The following PRX variants were observed in gnomAD, a reference collection of about 807,000 sequenced individuals.
PRX encodes periaxin.
Under a neutral mutation model 29.6 loss-of-function variants are expected in PRX, and 24 were observed. That is an observed-to-expected ratio of 0.81 (90% confidence interval 0.59 to 1.14). The LOEUF (loss-of-function observed/expected upper bound fraction) is 1.14, where lower values mean the gene tolerates loss of function less well. PRX is among the 50% of genes most tolerant of loss of function. The pLI, the probability that PRX is intolerant of heterozygous loss-of-function variation, is 0.00. For synonymous variants in PRX, 772 were observed against 831.7 expected (o/e 0.93, Z 1.24); for missense variants, 1,838 against 1,926.4 (o/e 0.95, Z 0.86).
chr19:40,399,025 T>C (rs1483987315), intron 5 of PRX, among the ~76,000 whole-genome samples: 1 of 139,098 alleles, frequency 7.2e-6, no homozygotes, highest in Non-Finnish European at 1.5e-5. Context: ...CCGCGCCCAC[T>C]CAGGCCACGC....
At position 40,395,086 on chromosome 19, in the gene PRX, G is replaced by A. The variant is rs1197637657; in HGVS notation, c.3266C>T (p.Ser1089Phe). ...GGGGATCTTAAGCTGCACAGCGGTG[G>A]ACTCAGCCTTTTCCCCCGGGCTGGC... ...DRASPGEKAE[S>F]TAVQLKIPEV... Residue 1089 changes from serine to phenylalanine, a missense_variant, in exon 7 of 7, where the codon TCC (serine) becomes TTC (phenylalanine). Physicochemically the swap from Ser to Phe is radical, Grantham distance 155. Coordinates refer to ENST00000324001, the MANE Select transcript of PRX (RefSeq NM_181882.3). 10 of 1,613,546 alleles carry A rather than the reference G, an allele frequency of 6.2e-6. No homozygotes were observed. The highest frequency in any genetic ancestry group is 1.1e-5 in the South Asian group (1 of 91,080).
chr19:40,399,883 CTT>C (rs1195757375), intron 5 of PRX, among the ~76,000 whole-genome samples: 15 of 71,840 alleles, frequency 2.1e-4, no homozygotes, highest in African/African-American at 1.2e-3. Context: ...TTCTTTCTTT[CTT>C]TCTTTCTTTC....
In PRX at chr19:40,394,601, C is replaced by G. The variant is rs2079412271; in HGVS notation, c.3751G>C (p.Gly1251Arg). ...TCGCCCCCCACCCTAGCTCTGGCCC[C>G]CAGTGTGGGCAACTTCAGCCTCAGC... ...GGLRLKLPTL[G>R]ARARVGGEGA... Residue 1251 changes from glycine to arginine, a missense_variant, in exon 7 of 7, where the codon GGG (glycine) becomes CGG (arginine). Gly to Arg is a moderately radical substitution (Grantham distance 125). Coordinates refer to ENST00000324001, the MANE Select transcript of PRX (RefSeq NM_181882.3). The surrounding 1 kb of genome is among the most constrained non-coding windows in gnomAD (Gnocchi z 5.8). 3.1e-6 allele frequency: 5 copies of G among 1,608,240 alleles called. No individual in the cohort carries two copies. The highest frequency in any genetic ancestry group is 3.3e-5 in the Admixed American group (2 of 59,942).
rs763185527 is a variant in PRX, at chr19:40,397,409, G to A, written c.943C>T (p.Arg315Trp). 32 of 1,609,340 alleles carry A rather than the reference G, an allele frequency of 2.0e-5. No homozygotes were observed. The highest frequency in any genetic ancestry group is 9.9e-5 in the South Asian group (9 of 90,572). Residue 315 changes from arginine (R) to tryptophan (W), a missense_variant, in exon 7 of 7, where the codon CGG becomes TGG. Physicochemically the swap from Arg to Trp is moderately radical, Grantham distance 101 (BLOSUM62 -3). Coordinates refer to ENST00000324001, the MANE Select transcript of PRX (RefSeq NM_181882.3). ...ACCACTACCGACACAGCCCCTTCCC[G>A]GGTCTCTAGGCAGGGAAGTGTGGGC... is the stretch of plus-strand genomic sequence containing the variant. ...TLPTLPCLET[R>W]EGAVSVVVPT...
At position 40,394,218 on chromosome 19, in the gene PRX, C is replaced by T. The variant is rs2079406117; in HGVS notation, c.4134G>A (p.Leu1378=). The T allele has an allele frequency of 6.3e-7, 1 of 1,599,088 alleles. No homozygotes were observed. Among genetic ancestry groups the T allele is most frequent in the Non-Finnish European group, 8.5e-7 (1 of 1,169,908 alleles). Residue 1378 remains leucine (L), a synonymous_variant, in exon 7 of 7, where the codon TTG becomes TTA. Transcript: ENST00000324001. The surrounding 1 kb of genome is among the most constrained non-coding windows in gnomAD (Gnocchi z 5.8). The part of the protein sequence containing the change: ...SGRRGRVRVR[L]PRVGLAAPSK... ...AAGGGGCCGCCAGGCCTACACGTGGCAAGCGGACCCGGACCCGGCCCCGGC... is the reference window on the plus strand; with the variant it reads ...AAGGGGCCGCCAGGCCTACACGTGGTAAGCGGACCCGGACCCGGCCCCGGC...
intron 1 of PRX, among the ~76,000 whole-genome samples, chr19:40,412,241 TA>T (rs2079561927): frequency 6.6e-6 from 1 of 152,150 alleles, no homozygotes; most frequent in Non-Finnish European, 1.5e-5. Context: ...TCCAGACCTC[TA>T]AACATTATCT....
upstream of PRX, among the ~76,000 whole-genome samples, chr19:40,414,255 C>T (rs111555331): frequency 5.1e-3 from 784 of 152,262 alleles, 9 homozygotes; most frequent in African/African-American, 0.018. Context: ...CCTCAAATAG[C>T]TGGGACCACA....
At position 40,398,555 on chromosome 19, in the gene PRX, G is replaced by C; in HGVS notation, c.381+65C>G. On this transcript the variant is annotated intron_variant, in intron 6 of 6. Coordinates refer to ENST00000324001, the MANE Select transcript of PRX (RefSeq NM_181882.3). This position sits in a 1 kb window ranked among gnomAD's most constrained non-coding sequence, Gnocchi z 6.3. ...CTGGCCCACGATGGCGGGGAATGGG[G>C]CTCACGGCGCAGAGACCGGATCGCT... 1 of 1,600,498 alleles carries C rather than the reference G, an allele frequency of 6.2e-7. No individual in the cohort carries two copies. Among genetic ancestry groups the C allele is most frequent in the Non-Finnish European group, 8.5e-7 (1 of 1,173,716 alleles).
chr19:40,399,847 T>TTTCC (rs939534916), intron 5 of PRX, among the ~76,000 whole-genome samples: 2,732 of 136,024 alleles, frequency 0.02, 26 homozygotes, highest in East Asian at 0.031. Context: ...CCCAGCTTTC[T>TTTCC]TTCCTTTCTT....
In PRX at chr19:40,408,049, T is replaced by A; in HGVS notation, c.-99-18A>T. The A allele has an allele frequency of 7.0e-7, 1 of 1,425,966 alleles. No homozygotes were observed. Among genetic ancestry groups the A allele is most frequent in the South Asian group, 1.2e-5 (1 of 83,904 alleles). 88.3% of individuals were successfully genotyped at this position (1,425,966 alleles called of 1,614,324 possible). A position where few individuals can be genotyped will look rare whatever the true frequency, so the allele number is the denominator to read the frequency against. On this transcript the variant is annotated intron_variant, in intron 3 of 6. Transcript: ENST00000324001. ...CTCTGAGCCTGTGGGAGGACAGCAG[T>A]GGAGGCTTGAGGCCAGTAGGGGACG...
At chr19:40,408,844 T>TGTGTGAGA (rs965234926) in intron 1 of PRX, among the ~76,000 whole-genome samples, 2 of 150,920 alleles carry the variant, frequency 1.3e-5, no homozygotes, top group African/African-American at 2.4e-5. Flanking sequence ...TGTGTGTGTG[T>TGTGTGAGA]GTGAGAGAGA....
rs767207935 is a variant in PRX at position 40,397,754 on chromosome 19, C to G, written c.598G>C (p.Glu200Gln). ...GCCAGCCGGGCTGCCTGAGCCTCTT[C>G]GGCCACTTCTCGTACACGCAGCCGA... ...LPRLRVREVA[E>Q]EAQAARLAAA... Residue 200 changes from glutamate (E) to glutamine (Q), a missense_variant, in exon 7 of 7, where the codon GAA (glutamate) becomes CAA (glutamine). Physicochemically the swap from Glu to Gln is conservative, Grantham distance 29 (BLOSUM62 2). This residue lies in a region of PRX where 666 missense variants were observed against 665.0 expected (regional missense o/e 1.00). Coordinates refer to ENST00000324001, the MANE Select transcript of PRX (RefSeq NM_181882.3). 6.4e-7 allele frequency: 1 copy of G among 1,565,046 alleles called. No individual in the cohort carries two copies.
At chr19:40,408,592 G>A (rs1181373346) in intron 1 of PRX, among the ~76,000 whole-genome samples, 1 of 152,152 alleles carries the variant, frequency 6.6e-6, no homozygotes, top group African/African-American at 2.4e-5. Flanking sequence ...CAGAGCCCCC[G>A]TGCCAAAGAT....
At position 40,395,018 on chromosome 19, in the gene PRX, CCCTCCCTT is replaced by C. The variant is rs1344125979; in HGVS notation, c.3326_3333del (p.Glu1109GlyfsTer26). ...CCACTGACGGCCACAGCCCCCTCTG[CCCTCCCTT>C]CCTCCTGGGCGCCCAGCGTGACCAG... is the stretch of plus-strand genomic sequence containing the variant. On this transcript the variant is annotated frameshift_variant, in exon 7 of 7. Transcript: ENST00000324001. LOFTEE classifies it low-confidence loss of function (END_TRUNC). 3.7e-6 allele frequency: 6 copies of C among 1,610,072 alleles called. No individual in the cohort carries two copies. The highest frequency in any genetic ancestry group is 5.1e-6 in the Non-Finnish European group (6 of 1,179,978).
At chr19:40,413,100 A>G (rs1599668984) in intron 1 of PRX, among the ~76,000 whole-genome samples, 4 of 152,164 alleles carry the variant, frequency 2.6e-5, no homozygotes, top group Non-Finnish European at 4.4e-5. Flanking sequence ...ACATCAGCCC[A>G]TTTTAGAGAT....
chr19:40,406,774 T>TTTC (rs1555802423), intron 4 of PRX, among the ~76,000 whole-genome samples: 11 of 95,904 alleles, frequency 1.1e-4, no homozygotes, highest in African/African-American at 4.4e-4. Flanking sequence ...TCCATTTCTT[T>TTTC]TTTTTTTTTT....
intron 4 of PRX, among the ~76,000 whole-genome samples, chr19:40,406,898 C>T (rs1279922296): frequency 2.6e-5 from 4 of 151,522 alleles, no homozygotes; most frequent in African/African-American, 9.7e-5. Context: ...CTCAGCCTCC[C>T]GAGTAGCTGG....
At chr19:40,408,797 C>T (rs1166431347) in intron 1 of PRX, among the ~76,000 whole-genome samples, 4 of 144,098 alleles carry the variant, frequency 2.8e-5, no homozygotes, top group South Asian at 2.2e-4. Context: ...CACCCGGCTA[C>T]GTTTTTGTTG....
intron 4 of PRX, among the ~76,000 whole-genome samples, chr19:40,407,212 T>TTGTGTGTGTGTGTGTGTG (rs72256185): frequency 1.4e-3 from 185 of 133,882 alleles, no homozygotes; most frequent in African/African-American, 5.0e-3. Context: ...TTATATGCCC[T>TTGTGTGTGTGTGTGTGTG]TGTGTGTGTG....
Sources: gnomAD v4.1 joint callset for allele counts (sites outside exome capture counted in the v4.1 genomes callset) on GRCh38, gnomAD v4.1.1 for gene constraint, gnomAD v4.1.1 regional missense constraint, Gnocchi (gnomAD v3.1) non-coding constraint, MANE v1.5 for transcripts, NCBI Gene and HGNC (gene_info 2026-07-23, HGNC 2026-07-21) for gene names.